CPQ: variants seen among roughly 807,000 people sequenced by gnomAD.
CPQ encodes the protein carboxypeptidase Q, also known as Ser-Met dipeptidase.
In CPQ, 37 loss-of-function variants were observed where a neutral mutation model predicts 45.7. That is an observed-to-expected ratio of 0.81 (90% CI 0.62 to 1.07). CPQ has a LOEUF of 1.07. CPQ is among the 50% of genes least tolerant of loss of function. The pLI is 0.00. For synonymous variants in CPQ, 186 were observed against 205.8 expected (o/e 0.90, Z 0.82); for missense variants, 537 against 572.9 (o/e 0.94, Z 0.64).
intron 1 of CPQ, among the ~76,000 whole-genome samples, chr8:96,690,680 A>C (rs528648332): frequency 6.6e-6 from 1 of 152,300 alleles, no homozygotes; most frequent in Admixed American, 6.5e-5. Context: ...TGTGATACAA[A>C]GTTTACATGC....
chr8:96,908,089 A>T (rs1170571598), intron 4 of CPQ, among the ~76,000 whole-genome samples: 1 of 144,390 alleles, frequency 6.9e-6, no homozygotes, highest in African/African-American at 2.6e-5. Context: ...TCTTTATTGG[A>T]TTTCTCCCCC....
intron 1 of CPQ, among the ~76,000 whole-genome samples, chr8:96,727,314 C>A (rs1223792654): frequency 6.6e-6 from 1 of 152,146 alleles, no homozygotes; most frequent in African/African-American, 2.4e-5. Context: ...ATTTCGTTTT[C>A]ACTGGGACCT....
intron 2 of CPQ, among the ~76,000 whole-genome samples, chr8:96,793,705 A>C (rs1247242891): frequency 3.3e-5 from 5 of 152,208 alleles, no homozygotes; most frequent in African/African-American, 9.6e-5. Context: ...AGACAAGGCA[A>C]GTCCTGTCCA....
chr8:96,959,913 A>G lies in CPQ; in HGVS notation c.850-6022A>G, dbSNP rs542504534. Among the ~76,000 whole-genome samples, 104 of 148,298 alleles carry G rather than the reference A, an allele frequency of 7.0e-4. 1 individual carries two copies. Among genetic ancestry groups the G allele is most frequent in the African/African-American group, 2.5e-3 (102 of 40,438 alleles). ...AAGCAAAAAAAAAAAAAAAAAAACC[A>G]AAAACACCGAGTAGCTGTCTTTCTG... On this transcript the variant is annotated intron_variant, in intron 4 of 7. Coordinates refer to ENST00000220763, the MANE Select transcript of CPQ (RefSeq NM_016134.4).
chr8:96,742,795 A>G (rs1810111382), intron 1 of CPQ, among the ~76,000 whole-genome samples: 1 of 152,062 alleles, frequency 6.6e-6, no homozygotes, highest in Non-Finnish European at 1.5e-5. Context: ...AGAATGTTGA[A>G]TATTGGCCCT....
chr8:96,896,163 A>G (rs1036496338), intron 4 of CPQ, among the ~76,000 whole-genome samples: 1 of 152,152 alleles, frequency 6.6e-6, no homozygotes, highest in Non-Finnish European at 1.5e-5. Flanking sequence ...TACAGACAAT[A>G]GAGATGCTAT....
intron 5 of CPQ, among the ~76,000 whole-genome samples, chr8:96,983,165 A>G (rs1375841123): frequency 2.0e-5 from 3 of 152,166 alleles, no homozygotes; most frequent in Admixed American, 6.5e-5. Flanking sequence ...GGTATCATAT[A>G]GTTTTTGTGA....
At chr8:96,735,311 G>A (rs994508295) in intron 1 of CPQ, among the ~76,000 whole-genome samples, 1 of 152,122 alleles carries the variant, frequency 6.6e-6, no homozygotes, top group African/African-American at 2.4e-5. Flanking sequence ...CTGAATCTGC[G>A]AATGCATGTG....
intron 3 of CPQ, among the ~76,000 whole-genome samples, chr8:96,862,225 C>A (rs1027156895): frequency 1.3e-5 from 2 of 151,366 alleles, no homozygotes; most frequent in African/African-American, 4.9e-5. Flanking sequence ...GTTGCTTAAC[C>A]TTTCTAAATC....
Position 96,948,997 on chromosome 8 carries a change from T to C in CPQ, c.850-16938T>C, listed in dbSNP as rs1033396666. Reference sequence around the variant, plus strand: ...GTTACCATTTGCTTAGAATACCTTTTTCTAGCCCTTCACTTTCACCCTGTA... The same window carrying C: ...GTTACCATTTGCTTAGAATACCTTTCTCTAGCCCTTCACTTTCACCCTGTA... On this transcript the variant is annotated intron_variant, in intron 4 of 7. Transcript: ENST00000220763. 3.3e-5 allele frequency among the ~76,000 whole-genome samples: 5 copies of C among 152,120 alleles called. No homozygotes were observed. The East Asian group carries it at 9.7e-4, about 29-fold the overall frequency.
At chr8:97,071,257 C>G (rs149089436) in intron 7 of CPQ, among the ~76,000 whole-genome samples, 2,050 of 152,200 alleles carry the variant, frequency 0.013, 19 homozygotes, top group Middle Eastern at 0.027. Context: ...ATTAAGCATC[C>G]TTATTAATCA....
At chr8:96,933,971 G>A (rs753754239) in intron 4 of CPQ, among the ~76,000 whole-genome samples, 11 of 152,206 alleles carry the variant, frequency 7.2e-5, no homozygotes, top group Non-Finnish European at 1.6e-4. Context: ...AATGATTGCA[G>A]AAAATGTTCA....
intron 1 of CPQ, among the ~76,000 whole-genome samples, chr8:96,695,104 G>C (rs1340818484): frequency 1.3e-5 from 2 of 149,800 alleles, no homozygotes; most frequent in African/African-American, 4.9e-5. Flanking sequence ...ATAGATCAAT[G>C]GAACAGAACA....
chr8:96,904,698 G>A (rs929291940), intron 4 of CPQ, among the ~76,000 whole-genome samples: 4 of 152,122 alleles, frequency 2.6e-5, no homozygotes, highest in Non-Finnish European at 5.9e-5. Flanking sequence ...TTGGGGAGAG[G>A]AGCAAAGGTC....
intron 5 of CPQ, among the ~76,000 whole-genome samples, chr8:97,016,552 T>A (rs1242295323): frequency 6.6e-6 from 1 of 151,976 alleles, no homozygotes; most frequent in African/African-American, 2.4e-5. Context: ...GGGAAATGAG[T>A]ATCAGAAAAT....
intron 1 of CPQ, among the ~76,000 whole-genome samples, chr8:96,665,223 A>G (rs545801679): frequency 1.3e-5 from 2 of 152,328 alleles, no homozygotes; most frequent in South Asian, 4.1e-4. Context: ...GAGAAAAAGC[A>G]AGGAAAAAAC....
intron 4 of CPQ, among the ~76,000 whole-genome samples, chr8:96,942,721 T>C (rs944721961): frequency 6.6e-6 from 1 of 152,106 alleles, no homozygotes; most frequent in Non-Finnish European, 1.5e-5. Context: ...AACAAAAACA[T>C]GTAGATTCCT....
chr8:97,071,111 TTGTTGTTTTTAGTGTGG>T (rs1196951518), intron 7 of CPQ, among the ~76,000 whole-genome samples: 1 of 152,194 alleles, frequency 6.6e-6, no homozygotes, highest in Non-Finnish European at 1.5e-5. Context: ...CTTTTTGTTG[TTGTTGTTTTTAGTGTGG>T]TGGCTTGTGG....
chr8:96,760,481 G>T lies in CPQ; in HGVS notation c.-34-24383G>T, dbSNP rs373377470. Among the ~76,000 whole-genome samples, 3 of 152,128 alleles carry T rather than the reference G, an allele frequency of 2.0e-5. No homozygotes were observed. The East Asian group carries it at 5.8e-4, about 29-fold the overall frequency. On this transcript the variant is annotated intron_variant, in intron 1 of 7. Coordinates refer to ENST00000220763, the MANE Select transcript of CPQ (RefSeq NM_016134.4). Reference sequence around the variant, plus strand: ...TTCTCCTCTATGCCTAAGTAGGAGTGGGCTCAGTGGTGATGTTTTAAGGGC... The same window carrying T: ...TTCTCCTCTATGCCTAAGTAGGAGTTGGCTCAGTGGTGATGTTTTAAGGGC...
Sources: allele counts gnomAD v4.1 joint callset (sites outside exome capture counted in the v4.1 genomes callset), GRCh38; gene constraint gnomAD v4.1.1; transcripts MANE v1.5; gene names NCBI Gene and HGNC (gene_info 2026-07-23, HGNC 2026-07-21).